Variants in PTK2 observed in about 807,000 individuals in gnomAD.
The protein encoded by PTK2 is protein tyrosine kinase 2.
PTK2 carries 45 observed loss-of-function variants against 150.1 expected under a neutral mutation model. The ratio of observed to expected loss-of-function variants is 0.30; its 90% CI spans 0.24 to 0.38. PTK2 has a LOEUF of 0.38. Ranked by LOEUF, PTK2 falls within the 10% of genes least tolerant of loss-of-function variation. The probability of loss-of-function intolerance (pLI) is 1.00; values close to 1 mark genes in which losing one functional copy is unlikely to be tolerated. For synonymous variants in PTK2, 432 were observed against 449.2 expected (o/e 0.96, Z 0.48); for missense variants, 919 against 1,307.3 (o/e 0.70, Z 4.58).
At chr8:140,925,351 A>T (rs1031652483) in intron 2 of PTK2, among the ~76,000 whole-genome samples, 2 of 152,226 alleles carry the variant, frequency 1.3e-5, no homozygotes, top group African/African-American at 4.8e-5. Flanking sequence ...GGTTCCTCCA[A>T]TTAGCACTTG....
chr8:140,837,289 T>C (rs2100119267), intron 7 of PTK2, among the ~76,000 whole-genome samples: 1 of 152,208 alleles, frequency 6.6e-6, no homozygotes, highest in African/African-American at 2.4e-5. Context: ...AGTACCTTGG[T>C]TCTTCCTAGA....
intron 29 of PTK2, chr8:140,669,512 A>G: frequency 1.9e-6 from 1 of 524,550 alleles, no homozygotes; most frequent in Non-Finnish European, 3.3e-6. Context: ...GAGATAGAAA[A>G]GCACAAGAAT....
chr8:140,782,037 G>C (rs777172228), intron 14 of PTK2, among the ~76,000 whole-genome samples: 3 of 152,082 alleles, frequency 2.0e-5, no homozygotes, highest in Non-Finnish European at 2.9e-5. Flanking sequence ...AGTGACAACT[G>C]TACGCTTCTC....
intron 1 of PTK2, among the ~76,000 whole-genome samples, chr8:140,973,208 G>T (rs1382012093): frequency 2.0e-5 from 3 of 152,176 alleles, no homozygotes; most frequent in Admixed American, 6.5e-5. Context: ...AGAAAAGTTT[G>T]GCCCTTTGCC....
intron 7 of PTK2, among the ~76,000 whole-genome samples, chr8:140,832,275 G>A (rs548812917): frequency 2.6e-5 from 4 of 152,164 alleles, no homozygotes; most frequent in Non-Finnish European, 4.4e-5. Context: ...GGCTGGTCTC[G>A]AACTCCTGAC....
At chr8:140,680,414 G>A (rs1045680539) in intron 27 of PTK2, among the ~76,000 whole-genome samples, 17 of 152,096 alleles carry the variant, frequency 1.1e-4, no homozygotes, top group Admixed American at 1.1e-3. Flanking sequence ...ATTTTTAGTA[G>A]AGACGGGGTT....
At chr8:140,839,764 GATTATTAAAGAGATAGTGGC>G (rs2100121191) in intron 7 of PTK2, among the ~76,000 whole-genome samples, 1 of 152,146 alleles carries the variant, frequency 6.6e-6, no homozygotes, top group Non-Finnish European at 1.5e-5. Context: ...TATATCTGTT[GATTATTAAAGAGATAGTGGC>G]ATATATTTTC....
intron 3 of PTK2, among the ~76,000 whole-genome samples, chr8:140,882,253 A>G (rs747523385): frequency 6.6e-6 from 1 of 152,208 alleles, no homozygotes; most frequent in Non-Finnish European, 1.5e-5. Context: ...GGTCTGGATA[A>G]CTCAACAAAT....
At chr8:140,889,921 G>C (rs1460976996) in intron 3 of PTK2, among the ~76,000 whole-genome samples, 2 of 152,092 alleles carry the variant, frequency 1.3e-5, no homozygotes, top group Admixed American at 6.5e-5. Context: ...AGACCCAAAG[G>C]AAATCCTTTC....
At chr8:140,993,795 T>TCTCA (rs2100196626) in intron 1 of PTK2, among the ~76,000 whole-genome samples, 1 of 152,134 alleles carries the variant, frequency 6.6e-6, no homozygotes, top group Admixed American at 6.5e-5. Context: ...AATGGTGCAA[T>TCTCA]CTCAGCTCAC....
rs58481152 is a variant in PTK2 at position 141,000,127 on chromosome 8, C to CACAA, written c.-122+997_-122+998insTTGT. On this transcript the variant is annotated intron_variant, in intron 1 of 31. Transcript: ENST00000522684. ...CACACACACACACACACACACACAC[C>CACAA]CCTTCTTCTAAGAAAGAACAGGATG... is the stretch of plus-strand genomic sequence containing the variant. 1.4e-3 allele frequency among the ~76,000 whole-genome samples: 178 copies of CACAA among 123,840 alleles called. 3 individuals are homozygous for CACAA. The highest frequency in any genetic ancestry group is 5.0e-3 in the African/African-American group (176 of 35,066). 81.2% of individuals were successfully genotyped at this position (123,840 alleles called of 152,430 possible).
At chr8:140,706,966 A>G (rs995465852) in intron 23 of PTK2, among the ~76,000 whole-genome samples, 1 of 152,234 alleles carries the variant, frequency 6.6e-6, no homozygotes, top group African/African-American at 2.4e-5. Context: ...CCGTCAACTG[A>G]TATAACTGGA....
chr8:140,688,440 G>T (rs1487417756), intron 26 of PTK2, among the ~76,000 whole-genome samples: 2 of 146,042 alleles, frequency 1.4e-5, no homozygotes, highest in Admixed American at 6.9e-5. Flanking sequence ...AGCGTTGGGT[G>T]TGGTGGTGTG....
In PTK2 at chr8:140,664,779, G is replaced by A; in HGVS notation, c.2946+138C>T. On this transcript the variant is annotated intron_variant, in intron 31 of 31. Transcript: ENST00000522684. ...TCCTGGTTGGGGCCAGTGTTAGAGG[G>A]AAGGTCATCGCTTGTAGGGCAGTTG... 3.6e-6 allele frequency: 3 copies of A among 833,096 alleles called. No homozygotes were observed. The Admixed American group carries it at 6.2e-5, about 17-fold the overall frequency. 51.6% of individuals were successfully genotyped at this position (833,096 alleles called of 1,614,324 possible).
intron 14 of PTK2, among the ~76,000 whole-genome samples, chr8:140,781,074 G>A (rs566754021): frequency 1.4e-4 from 22 of 152,236 alleles, no homozygotes; most frequent in South Asian, 1.0e-3. Context: ...CTTGACTCAT[G>A]CAGTTTGATT....
chr8:140,820,076 G>GTTTTGTTTTTTTT (rs2100107280), intron 8 of PTK2, among the ~76,000 whole-genome samples: 1 of 50,194 alleles, frequency 2.0e-5, no homozygotes, highest in Non-Finnish European at 4.2e-5. Flanking sequence ...TCTGACTTTG[G>GTTTTGTTTTTTTT]TTTTTTTTTT....
At chr8:140,881,654 A>G (rs759088228) in intron 3 of PTK2, among the ~76,000 whole-genome samples, 63 of 152,230 alleles carry the variant, frequency 4.1e-4, no homozygotes, top group Non-Finnish European at 6.5e-4. Flanking sequence ...AATATAAGGC[A>G]GTAAGGAACA....
intron 22 of PTK2, 133 bp from the exon 26 acceptor site, chr8:140,717,842 G>C: frequency 1.6e-6 from 1 of 644,444 alleles, no homozygotes. Flanking sequence ...CTATACACAG[G>C]GGAAAGAAGG....
intron 31 of PTK2, among the ~76,000 whole-genome samples, chr8:140,661,090 G>T (rs1012016595): frequency 2.0e-5 from 3 of 152,206 alleles, no homozygotes; most frequent in Non-Finnish European, 4.4e-5. Context: ...TTCACAGAGA[G>T]AATTTGTCTG....
Sources: allele counts gnomAD v4.1 joint callset (sites outside exome capture counted in the v4.1 genomes callset), GRCh38; gene constraint gnomAD v4.1.1; transcripts MANE v1.5; gene names NCBI Gene and HGNC (gene_info 2026-07-23, HGNC 2026-07-21).